The following LINGO2 variants were observed in gnomAD, a reference collection of about 807,000 sequenced individuals.
The protein encoded by LINGO2 is leucine-rich repeat and immunoglobulin-like domain-containing nogo receptor-interacting protein 2.
A neutral mutation model predicts 30.6 loss-of-function variants in LINGO2; 14 were observed. That is an observed-to-expected ratio of 0.46 (90% CI 0.30 to 0.72). The LOEUF (loss-of-function observed/expected upper bound fraction) is 0.72. Among genes scored for constraint, LINGO2 ranks in the 30% least tolerant of loss-of-function variants. The probability of loss-of-function intolerance (pLI) is 0.07; values close to 1 mark genes in which losing one functional copy is unlikely to be tolerated. For synonymous variants in LINGO2, 317 were observed against 288.5 expected (o/e 1.10, Z -1.00); for missense variants, 729 against 751.7 (o/e 0.97, Z 0.35).
At chr9:28,514,945 AAAG>A (rs1315256045) in intron 1 of LINGO2, among the ~76,000 whole-genome samples, 1 of 151,808 alleles carries the variant, frequency 6.6e-6, no homozygotes, top group Admixed American at 6.6e-5. Flanking sequence ...TAAAAAAAAA[AAAG>A]AAGCCTGGAT....
At chr9:28,628,132 C>G (rs781462604) in intron 1 of LINGO2, among the ~76,000 whole-genome samples, 3 of 152,002 alleles carry the variant, frequency 2.0e-5, no homozygotes, top group African/African-American at 2.4e-5. Context: ...AGCCAAATCC[C>G]CAGTGTACAG....
intron 1 of LINGO2, among the ~76,000 whole-genome samples, chr9:28,597,689 A>T (rs574205068): frequency 7.2e-4 from 109 of 152,304 alleles, no homozygotes; most frequent in Admixed American, 2.0e-3. Flanking sequence ...AGCTTCCATG[A>T]ACTAGTTTGT....
the LINGO2 span, among the ~76,000 whole-genome samples, chr9:28,878,077 T>A: frequency 6.6e-6 from 1 of 151,996 alleles, no homozygotes; most frequent in African/African-American, 2.4e-5. Context: ...TCAACAAAAT[T>A]GATAGACCAC....
intron 4 of LINGO2, among the ~76,000 whole-genome samples, chr9:28,279,266 C>T (rs924207054): frequency 1.3e-5 from 2 of 152,150 alleles, no homozygotes; most frequent in African/African-American, 4.8e-5. Flanking sequence ...ATTAAATAAA[C>T]TTATTTGATA....
At chr9:28,013,703 TAAG>T (rs1822675333) in intron 4 of LINGO2, among the ~76,000 whole-genome samples, 1 of 152,214 alleles carries the variant, frequency 6.6e-6, no homozygotes, top group African/African-American at 2.4e-5. Flanking sequence ...GGCTTGCTAA[TAAG>T]AAGCAGATGT....
chr9:28,959,551 C>T, the LINGO2 span, among the ~76,000 whole-genome samples: 96,494 of 150,768 alleles, frequency 0.64, 31,824 homozygotes, highest in Non-Finnish European at 0.72. Context: ...TTATTTATCA[C>T]TCATATTCTC....
intron 4 of LINGO2, among the ~76,000 whole-genome samples, chr9:28,287,243 C>T (rs780325735): frequency 7.2e-5 from 11 of 152,160 alleles, no homozygotes; most frequent in African/African-American, 1.2e-4. Flanking sequence ...TGTACTACTA[C>T]GGAGCCGTAC....
At chr9:28,307,027 T>C (rs921197615) in intron 3 of LINGO2, among the ~76,000 whole-genome samples, 13 of 152,222 alleles carry the variant, frequency 8.5e-5, no homozygotes, top group Middle Eastern at 6.8e-3. Context: ...CCATTCCTTC[T>C]GAAACTATTC....
At chr9:28,667,174 A>G (rs544049011) in intron 1 of LINGO2, among the ~76,000 whole-genome samples, 2 of 152,188 alleles carry the variant, frequency 1.3e-5, no homozygotes, top group African/African-American at 2.4e-5. Flanking sequence ...TCAGTAGTCA[A>G]TTATTCATGT....
chr9:28,260,236 G>T (rs1822518477), intron 4 of LINGO2, among the ~76,000 whole-genome samples: 2 of 149,208 alleles, frequency 1.3e-5, no homozygotes, highest in East Asian at 2.0e-4. Flanking sequence ...ATGATGACTT[G>T]TAATTTTTTT....
chr9:28,332,054 C>T (rs1312438497), intron 3 of LINGO2, among the ~76,000 whole-genome samples: 2 of 152,064 alleles, frequency 1.3e-5, no homozygotes, highest in African/African-American at 4.8e-5. Flanking sequence ...AATAAACTTA[C>T]GTTAACCTGA....
intron 3 of LINGO2, among the ~76,000 whole-genome samples, chr9:28,355,616 G>T (rs539840741): frequency 3.3e-5 from 5 of 151,984 alleles, no homozygotes; most frequent in African/African-American, 1.2e-4. Context: ...CACTTCACAG[G>T]TGGACAGAGA....
chr9:28,145,202 G>C (rs1827779812), intron 4 of LINGO2, among the ~76,000 whole-genome samples: 1 of 152,190 alleles, frequency 6.6e-6, no homozygotes, highest in South Asian at 2.1e-4. Context: ...AGGGACATGA[G>C]GAAGCTTTAA....
the LINGO2 span, among the ~76,000 whole-genome samples, chr9:28,766,014 G>C: frequency 6.6e-6 from 1 of 151,966 alleles, no homozygotes; most frequent in East Asian, 1.9e-4. Flanking sequence ...ACAGAGAAAA[G>C]CTCCGTGACA....
At chr9:28,423,938 TA>T (rs916447680) in intron 2 of LINGO2, among the ~76,000 whole-genome samples, 13 of 152,132 alleles carry the variant, frequency 8.5e-5, no homozygotes, top group African/African-American at 2.7e-4. Context: ...CCCTATTTCC[TA>T]AATCAGGTTT....
At chr9:28,053,355 A>G (rs977318189) in intron 4 of LINGO2, among the ~76,000 whole-genome samples, 1 of 152,042 alleles carries the variant, frequency 6.6e-6, no homozygotes, top group Non-Finnish European at 1.5e-5. Flanking sequence ...GTCGTAAGAG[A>G]CAAAACTAGA....
chr9:28,671,216 C>A (rs1828996326), upstream of LINGO2, among the ~76,000 whole-genome samples: 1 of 152,010 alleles, frequency 6.6e-6, no homozygotes, highest in African/African-American at 2.4e-5. Context: ...TCTGCTCGAC[C>A]TTTCCCCTCT....
chr9:28,812,315 G>T, the LINGO2 span, among the ~76,000 whole-genome samples: 1 of 151,954 alleles, frequency 6.6e-6, no homozygotes, highest in Non-Finnish European at 1.5e-5. Context: ...GAATTTCATA[G>T]ATATTGCCTT....
At chr9:28,301,804 C>T (rs555485129) in intron 3 of LINGO2, among the ~76,000 whole-genome samples, 1 of 152,148 alleles carries the variant, frequency 6.6e-6, no homozygotes, top group Admixed American at 6.5e-5. Context: ...AAATGAAATA[C>T]AGAATGTTAA....
Sources: gnomAD v4.1 joint callset for allele counts (sites outside exome capture counted in the v4.1 genomes callset) on GRCh38, gnomAD v4.1.1 for gene constraint, MANE v1.5 for transcripts, NCBI Gene and HGNC (gene_info 2026-07-23, HGNC 2026-07-21) for gene names.